Variants in GPR39 observed in about 807,000 individuals in gnomAD.
GPR39 encodes the protein G protein-coupled receptor 39, also known as zinc sensing receptor.
In GPR39, 23 loss-of-function variants were observed where a neutral mutation model predicts 18.4. The ratio of observed to expected loss-of-function variants is 1.25; its 90% CI spans 0.90 to 1.77. The LOEUF is 1.77. Among genes scored for constraint, GPR39 ranks in the 40% most tolerant of loss-of-function variants. The probability of loss-of-function intolerance (pLI) is 0.00; values close to 1 mark genes in which losing one functional copy is unlikely to be tolerated. For synonymous variants in GPR39, 280 were observed against 257.9 expected (o/e 1.09, Z -0.82); for missense variants, 647 against 602.4 (o/e 1.07, Z -0.78).
At chr2:132,640,442 A>C (rs1270298625) in intron 1 of GPR39, among the ~76,000 whole-genome samples, 1 of 152,212 alleles carries the variant, frequency 6.6e-6, no homozygotes, top group Non-Finnish European at 1.5e-5. Flanking sequence ...GGAAAACCAG[A>C]TAAGAAGGTA....
intron 1 of GPR39, among the ~76,000 whole-genome samples, chr2:132,467,291 A>G (rs184377838): frequency 6.6e-6 from 1 of 152,322 alleles, no homozygotes; most frequent in East Asian, 1.9e-4. Context: ...CCATTATCCT[A>G]AATGGACTAA....
In GPR39 at chr2:132,646,557, T is replaced by TC. The variant is rs1682095463; in HGVS notation, c.*951_*952insC. 4 of 328,898 alleles carry TC rather than the reference T, an allele frequency of 1.2e-5. No individual in the cohort carries two copies. The highest frequency in any genetic ancestry group is 2.2e-5 in the Non-Finnish European group (4 of 182,760). The allele number at this position is 328,898 out of a possible 1,614,324, so 20.4% of individuals were successfully genotyped here. On this transcript the variant is annotated 3_prime_UTR_variant, in exon 2 of 2. Coordinates refer to ENST00000329321, the MANE Select transcript of GPR39 (RefSeq NM_001508.3). The stretch of plus-strand genomic sequence containing the variant: ...GTTAATAAAGAGCTGTTAAATAGAC[T>TC]TATTTACATTTTAAGTCAGAGTTCA...
intron 1 of GPR39, among the ~76,000 whole-genome samples, chr2:132,594,026 A>C (rs140267452): frequency 6.6e-6 from 1 of 152,142 alleles, no homozygotes; most frequent in Non-Finnish European, 1.5e-5. Context: ...TCTTTAGTCA[A>C]ATCTTTACAG....
intron 1 of GPR39, among the ~76,000 whole-genome samples, chr2:132,499,211 G>T (rs1439459074): frequency 6.6e-6 from 1 of 152,122 alleles, no homozygotes; most frequent in Non-Finnish European, 1.5e-5. Flanking sequence ...TTAAGTCTTT[G>T]ATCCATCTTG....
At chr2:132,591,478 G>A (rs1056303638) in intron 1 of GPR39, among the ~76,000 whole-genome samples, 3 of 152,120 alleles carry the variant, frequency 2.0e-5, no homozygotes, top group Admixed American at 6.5e-5. Context: ...CCCTACTTTT[G>A]AGGTTTGGGG....
At chr2:132,438,232 T>TTA (rs1440510581) in intron 1 of GPR39, among the ~76,000 whole-genome samples, 2 of 152,204 alleles carry the variant, frequency 1.3e-5, no homozygotes, top group African/African-American at 4.8e-5. Flanking sequence ...TTATATATAA[T>TTA]TAGGTCATAG....
intron 1 of GPR39, among the ~76,000 whole-genome samples, chr2:132,496,180 C>G (rs1226476627): frequency 6.6e-6 from 1 of 152,156 alleles, no homozygotes; most frequent in Non-Finnish European, 1.5e-5. Flanking sequence ...AGATGGTGTA[C>G]AAAGTCCTGA....
chr2:132,531,896 A>T, intron 1 of GPR39, among the ~76,000 whole-genome samples: 1 of 152,234 alleles, frequency 6.6e-6, no homozygotes, highest in Non-Finnish European at 1.5e-5. Flanking sequence ...AAGAGAAAGC[A>T]GGAAAGATAT....
intron 1 of GPR39, among the ~76,000 whole-genome samples, chr2:132,592,184 G>A (rs1319458832): frequency 6.6e-6 from 1 of 152,180 alleles, no homozygotes; most frequent in Non-Finnish European, 1.5e-5. Context: ...CAAGTGCCAC[G>A]TATGTAGCAT....
Position 132,436,732 on chromosome 2 carries a change from T to C in GPR39, c.856+18834T>C, listed in dbSNP as rs532257519. ...TGATGTGGCATGGTGCTTGCCGACT[T>C]GTGGGGACAGAAGAGGCTGGTGCTG... On this transcript the variant is annotated intron_variant, in intron 1 of 1. Transcript: ENST00000329321. 3.3e-5 allele frequency among the ~76,000 whole-genome samples: 5 copies of C among 152,238 alleles called. No homozygotes were observed. The South Asian group carries it at 6.2e-4, about 19-fold the overall frequency.
At chr2:132,580,984 AC>A (rs1680612756) in intron 1 of GPR39, among the ~76,000 whole-genome samples, 13 of 146,592 alleles carry the variant, frequency 8.9e-5, no homozygotes, top group Admixed American at 8.0e-4. Flanking sequence ...AAAAAAAAAA[AC>A]ACCAAAAAAA....
intron 1 of GPR39, among the ~76,000 whole-genome samples, chr2:132,599,716 G>A (rs188251246): frequency 3.4e-4 from 51 of 152,142 alleles, no homozygotes; most frequent in African/African-American, 9.9e-4. Context: ...TAGTGAGGGC[G>A]CTGGTGAATT....
At chr2:132,613,669 A>G (rs1681273998) in intron 1 of GPR39, among the ~76,000 whole-genome samples, 1 of 152,212 alleles carries the variant, frequency 6.6e-6, no homozygotes, top group African/African-American at 2.4e-5. Context: ...CACATGATAA[A>G]GGTTTAGCTT....
Position 132,646,313 on chromosome 2 carries a change from G to A in GPR39, c.*707G>A, listed in dbSNP as rs369194822. On this transcript the variant is annotated 3_prime_UTR_variant, in exon 2 of 2. Coordinates refer to ENST00000329321, the MANE Select transcript of GPR39 (RefSeq NM_001508.3). The stretch of plus-strand genomic sequence containing the variant: ...ACAGACCCAAAGGAGCTGAGTTAAC[G>A]TGCACCGGCAAAAGAATAGCTGTCC... 7.9e-5 allele frequency: 109 copies of A among 1,377,854 alleles called. No individual in the cohort carries two copies. The highest frequency in any genetic ancestry group is 1.1e-4 in the Admixed American group (4 of 34,840). 85.4% of individuals were successfully genotyped at this position (1,377,854 alleles called of 1,614,324 possible). A position where few individuals can be genotyped will look rare whatever the true frequency, so the allele number is the denominator to read the frequency against.
chr2:132,642,614 G>C (rs1295062319), intron 1 of GPR39, among the ~76,000 whole-genome samples: 3 of 152,180 alleles, frequency 2.0e-5, no homozygotes, highest in Non-Finnish European at 4.4e-5. Flanking sequence ...GAAAAGCAAT[G>C]TTATCATTCT....
intron 1 of GPR39, among the ~76,000 whole-genome samples, chr2:132,514,227 G>A (rs1201679705): frequency 6.6e-6 from 1 of 152,066 alleles, no homozygotes; most frequent in Non-Finnish European, 1.5e-5. Flanking sequence ...AGGCCACTTG[G>A]TTTTGATCTT....
chr2:132,532,172 A>G (rs1430389922), intron 1 of GPR39, among the ~76,000 whole-genome samples: 1 of 152,194 alleles, frequency 6.6e-6, no homozygotes, highest in African/African-American at 2.4e-5. Context: ...TATCACCACC[A>G]ATCCCACAGA....
intron 1 of GPR39, among the ~76,000 whole-genome samples, chr2:132,625,538 A>G (rs1681527081): frequency 6.6e-6 from 1 of 152,178 alleles, no homozygotes; most frequent in Admixed American, 6.5e-5. Flanking sequence ...ACGAAGATTT[A>G]AAGAGACAAA....
intron 1 of GPR39, among the ~76,000 whole-genome samples, chr2:132,446,200 C>A (rs532362271): frequency 5.9e-5 from 9 of 152,182 alleles, no homozygotes; most frequent in Admixed American, 5.9e-4. Context: ...ATACTGAGTG[C>A]CCAGCATGGC....
Sources: allele counts gnomAD v4.1 joint callset (sites outside exome capture counted in the v4.1 genomes callset), GRCh38; gene constraint gnomAD v4.1.1; transcripts MANE v1.5; gene names NCBI Gene and HGNC (gene_info 2026-07-23, HGNC 2026-07-21).